Variants in CASK observed in about 807,000 individuals in gnomAD.
CASK encodes the protein calcium/calmodulin dependent serine protein kinase, also known as peripheral plasma membrane protein CASK.
Under a neutral mutation model 82.9 loss-of-function variants are expected in CASK, and 4 were observed. The observed-to-expected ratio is 0.05, with a 90% CI of 0.02 to 0.11. The LOEUF is 0.11. CASK is among the 10% of genes least tolerant of loss of function. CASK has a pLI of 1.00. For missense variants in CASK, 358 were observed against 720.9 expected (o/e 0.50, Z 5.76); for synonymous variants, 259 against 253.5 (o/e 1.02, Z -0.20).
chrX:41,696,547 T>C, intron 5 of CASK: 10 of 1,208,478 alleles, frequency 8.3e-6, no homozygotes, highest in Non-Finnish European at 1.1e-5. Flanking sequence ...AAAGAAATTG[T>C]TCACAAAACC....
At chrX:41,855,014 T>G (rs1215542832) in intron 1 of CASK, among the ~76,000 whole-genome samples, 1 of 112,249 alleles carries the variant, frequency 8.9e-6, no homozygotes, top group East Asian at 2.8e-4. Context: ...TACATTTGAA[T>G]AGTCTGCTTC....
intron 5 of CASK, among the ~76,000 whole-genome samples, chrX:41,714,739 C>T (rs777608122): frequency 7.2e-5 from 8 of 111,842 alleles, no homozygotes; most frequent in Non-Finnish European, 9.4e-5. Flanking sequence ...TGAAGTTAAC[C>T]CCTATGACTG....
intron 2 of CASK, among the ~76,000 whole-genome samples, chrX:41,829,716 T>G (rs2070751124): frequency 5.3e-5 from 1 of 18,867 alleles, no homozygotes; most frequent in Admixed American, 5.6e-4. Flanking sequence ...TATATATATA[T>G]ATATATATAT....
chrX:41,550,152 C>G (rs1426792200), intron 21 of CASK, among the ~76,000 whole-genome samples: 1 of 112,138 alleles, frequency 8.9e-6, no homozygotes, highest in Non-Finnish European at 1.9e-5. Context: ...CAGGGCGAGA[C>G]TCCGTCTCCA....
intron 1 of CASK, 102 bp downstream of exon 1, chrX:41,922,828 A>G (rs1315947675): frequency 1.5e-6 from 1 of 678,493 alleles, no homozygotes; most frequent in Non-Finnish European, 2.4e-6. Context: ...GGAAGAGGGG[A>G]AGGAGGGAGG....
intron 10 of CASK, among the ~76,000 whole-genome samples, chrX:41,625,802 T>C (rs1186358957): frequency 3.7e-5 from 4 of 109,449 alleles, no homozygotes; most frequent in African/African-American, 1.3e-4. Context: ...TTTTTTGAGA[T>C]GGAGTCTCGC....
rs752346334 is a variant in CASK at position 41,565,412 on chromosome X, C to T, written c.1583-3768G>A. The stretch of plus-strand genomic sequence containing the variant: ...AAAATGATAAACGGGATATCACCAC[C>T]GATCCCACAGAAATACAAACTACCA... On this transcript the variant is annotated intron_variant, in intron 16 of 26. Transcript: ENST00000378163. 3.2e-3 allele frequency among the ~76,000 whole-genome samples: 354 copies of T among 111,522 alleles called. 2 individuals carry two copies. Among genetic ancestry groups the T allele is most frequent in the Non-Finnish European group, 5.5e-3 (293 of 53,075 alleles).
At chrX:41,713,661 G>A (rs917144907) in intron 5 of CASK, among the ~76,000 whole-genome samples, 3 of 112,014 alleles carry the variant, frequency 2.7e-5, no homozygotes, top group Non-Finnish European at 3.8e-5. Flanking sequence ...GAGAGTCACA[G>A]GACTCATCCC....
At chrX:41,661,233 C>T (rs1359747553) in intron 7 of CASK, among the ~76,000 whole-genome samples, 1 of 111,385 alleles carries the variant, frequency 9.0e-6, no homozygotes, top group Non-Finnish European at 1.9e-5. Flanking sequence ...GAGCCAAGTG[C>T]TAGAAGGCTC....
intron 8 of CASK, among the ~76,000 whole-genome samples, chrX:41,645,883 C>T (rs1006838596): frequency 3.6e-5 from 4 of 111,077 alleles, no homozygotes; most frequent in African/African-American, 1.3e-4. Context: ...GCTTATGTGC[C>T]TTTTCCTCCA....
intron 1 of CASK, among the ~76,000 whole-genome samples, chrX:41,877,484 T>C (rs1162579131): frequency 9.0e-6 from 1 of 111,479 alleles, no homozygotes; most frequent in Non-Finnish European, 1.9e-5. Context: ...CAAATAGATA[T>C]TATGAGCAAG....
At chrX:41,878,375 G>A (rs2071874041) in intron 1 of CASK, among the ~76,000 whole-genome samples, 1 of 111,190 alleles carries the variant, frequency 9.0e-6, no homozygotes, top group Non-Finnish European at 1.9e-5. Context: ...TCCAAGGCTG[G>A]GCAGATGTCC....
intron 9 of CASK, among the ~76,000 whole-genome samples, chrX:41,629,231 A>T (rs1232416127): frequency 9.0e-6 from 1 of 111,466 alleles, no homozygotes; most frequent in Non-Finnish European, 1.9e-5. Context: ...TTACGGCCTC[A>T]GCCTCCCAAA....
rs2064539204 is a variant in CASK, at chrX:41,515,782, T to A, written c.*4638A>T. On this transcript the variant is annotated 3_prime_UTR_variant, in exon 27 of 27. Transcript: ENST00000378163. ...CTACAGAGGTTGTACTTCCTCTGGGTCCAGAGAGGGTCACCCCTAAGCCTC... is the reference window on the plus strand; with the variant it reads ...CTACAGAGGTTGTACTTCCTCTGGGACCAGAGAGGGTCACCCCTAAGCCTC... The A allele has an allele frequency of 8.9e-6, 1 of 112,256 alleles. No homozygotes were observed. Among genetic ancestry groups the A allele is most frequent in the Admixed American group, 9.4e-5 (1 of 10,603 alleles). The allele number at this position is 112,256 out of a possible 1,213,427, so 9.3% of individuals were successfully genotyped here.
intron 8 of CASK, among the ~76,000 whole-genome samples, chrX:41,650,927 C>T (rs1477196204): frequency 1.8e-5 from 2 of 111,843 alleles, no homozygotes; most frequent in African/African-American, 6.5e-5. Context: ...TTGAGTTTTT[C>T]CATCTTCAGA....
intron 5 of CASK, among the ~76,000 whole-genome samples, chrX:41,703,315 T>C (rs183075115): frequency 1.8e-5 from 2 of 112,419 alleles, no homozygotes; most frequent in Admixed American, 1.9e-4. Context: ...GTTAGATATA[T>C]TAAAGCTCAC....
intron 2 of CASK, among the ~76,000 whole-genome samples, chrX:41,851,011 T>A (rs1248949746): frequency 9.0e-6 from 1 of 111,592 alleles, no homozygotes; most frequent in Admixed American, 9.5e-5. Context: ...AACTTTATAC[T>A]GAGTCGCTGT....
At chrX:41,807,575 A>G (rs770700586) in intron 2 of CASK, among the ~76,000 whole-genome samples, 2 of 111,567 alleles carry the variant, frequency 1.8e-5, no homozygotes, top group Non-Finnish European at 3.8e-5. Flanking sequence ...TTCTGCTGTT[A>G]TAACAGAAAC....
In CASK at chrX:41,773,371, T is replaced by C. The variant is rs748470888; in HGVS notation, c.278+13807A>G. On this transcript the variant is annotated intron_variant, in intron 3 of 26. Transcript: ENST00000378163. ...GCCTGGATGACAGAATGAGACCCTGTCTCAAAAAAAAAAAAAAAAAAGTAA... is the reference window on the plus strand; with the variant it reads ...GCCTGGATGACAGAATGAGACCCTGCCTCAAAAAAAAAAAAAAAAAAGTAA... Among the ~76,000 whole-genome samples the C allele has an allele frequency of 8.3e-3, 675 of 81,352 alleles. 6 individuals are homozygous for C. Among genetic ancestry groups the C allele is most frequent in the African/African-American group, 0.031 (651 of 21,235 alleles). 70.6% of individuals were successfully genotyped at this position (81,352 alleles called of 115,157 possible).
Sources: gnomAD v4.1 joint callset for allele counts (sites outside exome capture counted in the v4.1 genomes callset) on GRCh38, gnomAD v4.1.1 for gene constraint, MANE v1.5 for transcripts, NCBI Gene and HGNC (gene_info 2026-07-23, HGNC 2026-07-21) for gene names.